Variants in CEP72 observed in about 807,000 individuals in gnomAD.
CEP72 encodes the protein centrosomal protein of 72 kDa.
Under a neutral mutation model 65.7 loss-of-function variants are expected in CEP72, and 78 were observed. That is an observed-to-expected ratio of 1.19 (90% confidence interval 0.99 to 1.43). The LOEUF (loss-of-function observed/expected upper bound fraction) is 1.43, where lower values mean the gene tolerates loss of function less well. Ranked by LOEUF, CEP72 falls within the 40% of genes most tolerant of loss-of-function variation. The pLI, the probability that CEP72 is intolerant of heterozygous loss-of-function variation, is 0.00. For synonymous variants in CEP72, 358 were observed against 351.7 expected, an observed-to-expected ratio of 1.02 and a Z score of -0.20; for missense variants, 914 against 832.9, an observed-to-expected ratio of 1.10 and a Z score of -1.20.
intron 3 of CEP72, among the ~76,000 whole-genome samples, chr5:620,711 C>G (rs948776487): frequency 3.9e-5 from 6 of 152,238 alleles, no homozygotes; most frequent in African/African-American, 1.4e-4. Context: ...CACACCCCAC[C>G]ACTGGGACAG....
At position 645,910 on chromosome 5, in the gene CEP72, C is replaced by T. The variant is rs377361642; in HGVS notation, c.1666+1485C>T. On this transcript the variant is annotated intron_variant, in intron 10 of 11. Coordinates refer to ENST00000264935, the MANE Select transcript of CEP72 (RefSeq NM_018140.4). The surrounding 1 kb of genome is among the most constrained non-coding windows in gnomAD (Gnocchi z 4.0). ...TGCTCCCGTCGGCGGCCTGTGTGGA[C>T]GGTGAATTCGGCTTCGTTACACTGT... Among the ~76,000 whole-genome samples the T allele has an allele frequency of 3.4e-3, 513 of 150,408 alleles. 13 individuals carry two copies. The South Asian group carries it at 0.06, about 18-fold the overall frequency.
intron 11 of CEP72, among the ~76,000 whole-genome samples, chr5:650,267 C>T (rs797000131): frequency 5.3e-4 from 29 of 55,030 alleles, no homozygotes; most frequent in African/African-American, 1.0e-3. Context: ...GACTGTGAGG[C>T]GTGGACTGTG....
rs146939541 is a variant in CEP72, at chr5:647,890, C to T, written c.1752C>T (p.Leu584=). 3.1e-6 allele frequency: 5 copies of T among 1,612,170 alleles called. No individual in the cohort carries two copies. The African/African-American group carries it at 6.7e-5, about 21-fold the overall frequency. Residue 584 remains leucine, a synonymous_variant, in exon 11 of 12, where the codon CTC becomes CTT. Coordinates refer to ENST00000264935, the MANE Select transcript of CEP72 (RefSeq NM_018140.4). ...AGCACTACGACAAGATCCAGGAGCT[C>T]ACGCAGATGCTGCAGGAGAGCCACA... ...HLEHYDKIQE[L]TQMLQESHSS...
At position 620,266 on chromosome 5, in the gene CEP72, G is replaced by C. The variant is rs775507218; in HGVS notation, c.403+5G>C. ...TCCCCAAGCTCCAGCAGCTGGGTAG[G>C]CATCAGGCAGGGCCACGCTCATGCT... On this transcript the variant is annotated splice_donor_5th_base_variant and intron_variant, in intron 3 of 11. Transcript: ENST00000264935. The C allele has an allele frequency of 1.9e-6, 3 of 1,611,982 alleles. No individual in the cohort carries two copies. In the South Asian group the frequency reaches 3.3e-5, roughly 18 times the overall value.
rs187651317 is a variant in CEP72, at chr5:618,974, A to G, written c.83-16A>G. 10 of 1,587,020 alleles carry G rather than the reference A, an allele frequency of 6.3e-6. No homozygotes were observed. The highest frequency in any genetic ancestry group is 5.4e-5 in the African/African-American group (4 of 74,176). ...CAAAATAAAAGATTAAAATCTTACA[A>G]TTTTTCTATTCTTAGCTGAGCTTCA... On this transcript the variant is annotated splice_polypyrimidine_tract_variant and intron_variant, in intron 1 of 11. Transcript: ENST00000264935.
In CEP72 at chr5:653,277, G is replaced by A; in HGVS notation, c.*124G>A. On this transcript the variant is annotated 3_prime_UTR_variant, in exon 12 of 12. Coordinates refer to ENST00000264935, the MANE Select transcript of CEP72 (RefSeq NM_018140.4). ...TCTCTCTTCTGTTGGTAATTATTTA[G>A]GATTTTTGGAATGTATTCAGGACCT... 9.7e-7 allele frequency: 1 copy of A among 1,031,634 alleles called. No individual in the cohort carries two copies. The allele number at this position is 1,031,634 out of a possible 1,614,324, so 63.9% of individuals were successfully genotyped here.
At chr5:635,949 TC>T (rs1449160107) in intron 6 of CEP72, among the ~76,000 whole-genome samples, 1 of 150,538 alleles carries the variant, frequency 6.6e-6, no homozygotes, top group Non-Finnish European at 1.5e-5. Context: ...TGTGACCTGT[TC>T]CAGACTCATC....
downstream of CEP72, among the ~76,000 whole-genome samples, chr5:657,404 A>G (rs1264885674): frequency 6.6e-6 from 1 of 152,192 alleles, no homozygotes; most frequent in Admixed American, 6.5e-5. Context: ...CTGTTCTTGA[A>G]AGGATTCGCA....
intron 8 of CEP72, among the ~76,000 whole-genome samples, chr5:639,909 T>C (rs11740063): frequency 6.6e-6 from 1 of 152,170 alleles, no homozygotes; most frequent in African/African-American, 2.4e-5. Context: ...GCCCCTCAGC[T>C]CCTAGAATGA....
chr5:675,867 C>T, the CEP72 span: 2 of 152,304 alleles, frequency 1.3e-5, no homozygotes, highest in Admixed American at 1.3e-4. Flanking sequence ...CAGCCACAGC[C>T]TCCTCTCACA....
At chr5:637,171 G>A (rs1373637036) in intron 6 of CEP72, among the ~76,000 whole-genome samples, 1 of 152,220 alleles carries the variant, frequency 6.6e-6, no homozygotes, top group Non-Finnish European at 1.5e-5. Flanking sequence ...GACGTTGTTT[G>A]GAACGCGTTG....
intron 4 of CEP72, among the ~76,000 whole-genome samples, chr5:629,215 A>G (rs925376279): frequency 1.3e-5 from 2 of 152,246 alleles, no homozygotes; most frequent in Admixed American, 6.5e-5. Flanking sequence ...AAGGTGGGTC[A>G]TATTCTGACA....
At chr5:636,744 A>G (rs1737626147) in intron 6 of CEP72, among the ~76,000 whole-genome samples, 1 of 143,820 alleles carries the variant, frequency 7.0e-6, no homozygotes. Flanking sequence ...TGGGAGGTGG[A>G]GGTTGCAATG....
intron 5 of CEP72, 140 bp downstream of exon 5, chr5:634,087 T>C: frequency 2.8e-6 from 2 of 711,478 alleles, no homozygotes; most frequent in Non-Finnish European, 4.5e-6. Flanking sequence ...TGTCTTTGTG[T>C]GCTTTCGAAT....
chr5:651,522 C>A (rs1456065772), intron 11 of CEP72, among the ~76,000 whole-genome samples: 2 of 152,004 alleles, frequency 1.3e-5, no homozygotes, highest in Admixed American at 6.5e-5. Flanking sequence ...TGTGCTTCCC[C>A]CTTCACTGCA....
intron 1 of CEP72, among the ~76,000 whole-genome samples, chr5:613,904 A>T (rs766696736): frequency 4.6e-5 from 7 of 152,198 alleles, no homozygotes; most frequent in Non-Finnish European, 8.8e-5. Context: ...GGTTAAGGGG[A>T]ACTGTAACCT....
intron 4 of CEP72, among the ~76,000 whole-genome samples, chr5:628,616 C>T (rs2455338): frequency 0.14 from 1,986 of 13,750 alleles, 19 homozygotes; most frequent in East Asian, 0.17. Flanking sequence ...GAACTCAGGT[C>T]GCAGTCCCCG....
intron 7 of CEP72, among the ~76,000 whole-genome samples, chr5:638,323 A>G (rs2126789121): frequency 6.6e-6 from 1 of 152,242 alleles, no homozygotes; most frequent in Middle Eastern, 3.4e-3. Context: ...CTCCACCCTC[A>G]GGGTGACCTA....
chr5:621,651 C>T (rs370461110), intron 3 of CEP72, among the ~76,000 whole-genome samples: 3 of 152,226 alleles, frequency 2.0e-5, no homozygotes, highest in Non-Finnish European at 4.4e-5. Flanking sequence ...GCGAGTAGAC[C>T]GGGAAGGCTG....
Sources: gnomAD v4.1 joint callset for allele counts (sites outside exome capture counted in the v4.1 genomes callset) on GRCh38, gnomAD v4.1.1 for gene constraint, Gnocchi (gnomAD v3.1) non-coding constraint, MANE v1.5 for transcripts, NCBI Gene and HGNC (gene_info 2026-07-23, HGNC 2026-07-21) for gene names.